The following BCL2 variants were observed in gnomAD, a reference collection of about 807,000 sequenced individuals.
BCL2 encodes the protein BCL2 apoptosis regulator, also known as apoptosis regulator Bcl-2.
In BCL2, 1 loss-of-function variant was observed where a neutral mutation model predicts 14.2. The observed-to-expected ratio is 0.07, with a 90% CI of 0.02 to 0.33. The LOEUF (loss-of-function observed/expected upper bound fraction) is 0.33, where lower values mean the gene tolerates loss of function less well. Ranked by LOEUF, BCL2 falls within the 10% of genes least tolerant of loss-of-function variation. The pLI is 0.99. For missense variants in BCL2, 247 were observed against 305.9 expected (o/e 0.81, Z 1.44); for synonymous variants, 151 against 137.2 (o/e 1.10, Z -0.70).
chr18:63,249,771 C>T (rs1385880602), intron 2 of BCL2, among the ~76,000 whole-genome samples: 1 of 151,136 alleles, frequency 6.6e-6, no homozygotes, highest in South Asian at 2.1e-4. Context: ...AACCAAGACC[C>T]CCAGGGTGAA....
At chr18:63,146,698 G>C (rs1445501513) in intron 2 of BCL2, among the ~76,000 whole-genome samples, 1 of 152,154 alleles carries the variant, frequency 6.6e-6, no homozygotes, top group Non-Finnish European at 1.5e-5. Flanking sequence ...ATTTCCGTTT[G>C]AACCAGAAAC....
chr18:63,143,762 G>T (rs1914431633), intron 2 of BCL2, among the ~76,000 whole-genome samples: 1 of 152,260 alleles, frequency 6.6e-6, no homozygotes, highest in Admixed American at 6.5e-5. Flanking sequence ...CTATGCATGT[G>T]TAGCACTGGC....
chr18:63,132,673 C>T (rs1914099389), intron 2 of BCL2, among the ~76,000 whole-genome samples: 1 of 152,178 alleles, frequency 6.6e-6, no homozygotes, highest in South Asian at 2.1e-4. Flanking sequence ...GACCCTGCGG[C>T]TTCGGGACTA....
intron 2 of BCL2, among the ~76,000 whole-genome samples, chr18:63,258,089 AATGCC>A (rs1911537024): frequency 6.6e-6 from 1 of 152,170 alleles, no homozygotes; most frequent in South Asian, 2.1e-4. Context: ...GGCAGAGGAA[AATGCC>A]ATGTGAGGAG....
intron 2 of BCL2, among the ~76,000 whole-genome samples, chr18:63,191,185 C>T (rs1483994277): frequency 6.6e-6 from 1 of 152,158 alleles, no homozygotes; most frequent in African/African-American, 2.4e-5. Context: ...ATCTTTATAA[C>T]AGAATGATTT....
rs188537724 is a variant in BCL2, at chr18:63,150,722, T to A, written c.586-21963A>T. ...TCCAGGTAGGAAAAAAGAAGTCGAT[T>A]TAAATATGAATTCCTATAAGGCTGA... On this transcript the variant is annotated intron_variant, in intron 2 of 2. Coordinates refer to ENST00000333681, the MANE Select transcript of BCL2 (RefSeq NM_000633.3). Among the ~76,000 whole-genome samples, 43 of 152,326 alleles carry A rather than the reference T, an allele frequency of 2.8e-4. 1 individual carries two copies. In the East Asian group the frequency reaches 8.1e-3, roughly 29 times the overall value.
intron 2 of BCL2, among the ~76,000 whole-genome samples, chr18:63,194,402 C>T (rs1387296623): frequency 4.0e-5 from 6 of 149,702 alleles, no homozygotes; most frequent in East Asian, 2.0e-4. Context: ...GGCATGATCT[C>T]GGCTCACTGC....
intron 2 of BCL2, among the ~76,000 whole-genome samples, chr18:63,169,288 CTT>C (rs1915134518): frequency 1.1e-4 from 8 of 70,320 alleles, no homozygotes; most frequent in Non-Finnish European, 2.4e-5. Context: ...TTCTTTCTTT[CTT>C]TCTTTCTTTC....
intron 2 of BCL2, among the ~76,000 whole-genome samples, chr18:63,268,583 G>A (rs1229563051): frequency 2.0e-5 from 3 of 152,114 alleles, no homozygotes; most frequent in Admixed American, 6.5e-5. Flanking sequence ...CTAAAATTTT[G>A]TGAGTCTAGT....
intron 2 of BCL2, among the ~76,000 whole-genome samples, chr18:63,155,735 G>T (rs903296411): frequency 3.9e-5 from 6 of 152,206 alleles, no homozygotes; most frequent in African/African-American, 1.4e-4. Flanking sequence ...AGGGAGGGCT[G>T]CTTGGCCAGA....
chr18:63,287,818 G>A (rs1912519158), intron 2 of BCL2, among the ~76,000 whole-genome samples: 1 of 152,152 alleles, frequency 6.6e-6, no homozygotes. Flanking sequence ...ACTTTTAGAA[G>A]CAGGATTCAG....
At chr18:63,255,807 C>T (rs1911456135) in intron 2 of BCL2, among the ~76,000 whole-genome samples, 1 of 151,886 alleles carries the variant, frequency 6.6e-6, no homozygotes, top group African/African-American at 2.4e-5. Flanking sequence ...ATTAAAATCA[C>T]CTGTGGTTGG....
chr18:63,277,624 A>G (rs1912194293), intron 2 of BCL2, among the ~76,000 whole-genome samples: 2 of 150,872 alleles, frequency 1.3e-5, no homozygotes. Context: ...AGATGACTAA[A>G]GGAAGAAACA....
At chr18:63,240,551 T>C (rs991228920) in intron 2 of BCL2, among the ~76,000 whole-genome samples, 1 of 152,240 alleles carries the variant, frequency 6.6e-6, no homozygotes, top group African/African-American at 2.4e-5. Context: ...CTAAATCACT[T>C]CCACTCTTTT....
At chr18:63,271,372 G>A (rs1449020481) in intron 2 of BCL2, among the ~76,000 whole-genome samples, 2 of 152,124 alleles carry the variant, frequency 1.3e-5, no homozygotes, top group Non-Finnish European at 2.9e-5. Flanking sequence ...AATTAACACC[G>A]AGTAACATTG....
At chr18:63,156,611 C>T (rs1914789627) in intron 2 of BCL2, among the ~76,000 whole-genome samples, 1 of 152,194 alleles carries the variant, frequency 6.6e-6, no homozygotes, top group Non-Finnish European at 1.5e-5. Context: ...GAACGTCCCA[C>T]CCTGGCGTCC....
intron 2 of BCL2, among the ~76,000 whole-genome samples, chr18:63,157,184 A>C (rs991205997): frequency 6.6e-6 from 1 of 152,242 alleles, no homozygotes; most frequent in Non-Finnish European, 1.5e-5. Flanking sequence ...AAGAAACTGA[A>C]GGAATATGGT....
At chr18:63,194,420 G>T (rs1445549714) in intron 2 of BCL2, among the ~76,000 whole-genome samples, 1 of 149,678 alleles carries the variant, frequency 6.7e-6, no homozygotes, top group Non-Finnish European at 1.5e-5. Context: ...TGCAACCTCT[G>T]CCCCACAGGA....
chr18:63,259,419 C>G (rs969772584), intron 2 of BCL2, among the ~76,000 whole-genome samples: 9 of 152,248 alleles, frequency 5.9e-5, no homozygotes, highest in Admixed American at 2.0e-4. Flanking sequence ...TGGGGAGCAC[C>G]TTGCCGTTGG....
Sources: gnomAD v4.1 joint callset for allele counts (sites outside exome capture counted in the v4.1 genomes callset) on GRCh38, gnomAD v4.1.1 for gene constraint, MANE v1.5 for transcripts, NCBI Gene and HGNC (gene_info 2026-07-23, HGNC 2026-07-21) for gene names.